The following ANKRD30B variants were observed in gnomAD, a reference collection of about 807,000 sequenced individuals.
The protein encoded by ANKRD30B is ankyrin repeat domain-containing protein 30B.
In ANKRD30B, 144 loss-of-function variants were observed where a neutral mutation model predicts 202.2. That is an observed-to-expected ratio of 0.71 (90% CI 0.62 to 0.82). ANKRD30B has a LOEUF of 0.82. Ranked by LOEUF, ANKRD30B falls within the 40% of genes least tolerant of loss-of-function variation. ANKRD30B has a pLI of 0.00. For synonymous variants in ANKRD30B, 508 were observed against 561.3 expected (o/e 0.91, Z 1.34); for missense variants, 1,487 against 1,669.1 (o/e 0.89, Z 1.90).
At chr18:14,940,159 A>T in the ANKRD30B span, among the ~76,000 whole-genome samples, 1 of 152,200 alleles carries the variant, frequency 6.6e-6, no homozygotes, top group African/African-American at 2.4e-5. Context: ...ATCTAATGTT[A>T]TGAAGCCCAC....
chr18:14,833,338 T>C (rs1971035978), intron 34 of ANKRD30B, among the ~76,000 whole-genome samples: 1 of 151,968 alleles, frequency 6.6e-6, no homozygotes. Context: ...AAGCCCCACC[T>C]CCCGGGTTCA....
chr18:14,927,779 C>G, the ANKRD30B span, among the ~76,000 whole-genome samples: 1 of 152,220 alleles, frequency 6.6e-6, no homozygotes, highest in African/African-American at 2.4e-5. Flanking sequence ...TAGTAGCTAT[C>G]TCAAATATAT....
At chr18:14,884,933 A>T in the ANKRD30B span, among the ~76,000 whole-genome samples, 3 of 152,120 alleles carry the variant, frequency 2.0e-5, no homozygotes, top group Admixed American at 6.6e-5. Context: ...ACTGTACAGA[A>T]GTGGAATAAA....
intron 34 of ANKRD30B, among the ~76,000 whole-genome samples, chr18:14,835,019 T>A (rs1664025395): frequency 6.6e-6 from 1 of 151,982 alleles, no homozygotes; most frequent in Admixed American, 6.5e-5. Context: ...ATTCTTAGGT[T>A]ATTTAACTAA....
chr18:14,818,847 C>G (rs1970259232), intron 30 of ANKRD30B, among the ~76,000 whole-genome samples: 1 of 151,894 alleles, frequency 6.6e-6, no homozygotes, highest in Non-Finnish European at 1.5e-5. Flanking sequence ...GTTATAGCAG[C>G]ATGATTTATA....
intron 39 of ANKRD30B, among the ~76,000 whole-genome samples, chr18:14,845,788 T>A (rs968814258): frequency 3.3e-5 from 5 of 152,210 alleles, no homozygotes; most frequent in African/African-American, 1.2e-4. Flanking sequence ...AGATTTGATG[T>A]CTGAAGAGGT....
At chr18:14,935,285 A>C in the ANKRD30B span, among the ~76,000 whole-genome samples, 1 of 152,208 alleles carries the variant, frequency 6.6e-6, no homozygotes, top group Non-Finnish European at 1.5e-5. Flanking sequence ...TTAGAGGATG[A>C]GCTTTCCAGC....
chr18:14,898,453 G>C, the ANKRD30B span, among the ~76,000 whole-genome samples: 1 of 152,072 alleles, frequency 6.6e-6, no homozygotes, highest in South Asian at 2.1e-4. Flanking sequence ...GACAGGAGGT[G>C]GAATGCTTGC....
At chr18:14,854,776 C>T (rs183412562), downstream of ANKRD30B, among the ~76,000 whole-genome samples, 398 of 150,612 alleles carry the variant, frequency 2.6e-3, 3 homozygotes, top group African/African-American at 9.4e-3. Flanking sequence ...TTTCTCTCTT[C>T]CTGTCCCAAG....
chr18:14,858,553 G>A (rs1323085278), downstream of ANKRD30B, among the ~76,000 whole-genome samples: 2 of 88,866 alleles, frequency 2.3e-5, no homozygotes, highest in South Asian at 3.7e-4. Flanking sequence ...GGGCAGAGGC[G>A]CTCCTCACTT....
At chr18:14,846,536 T>C (rs1473132863) in intron 39 of ANKRD30B, among the ~76,000 whole-genome samples, 13 of 151,840 alleles carry the variant, frequency 8.6e-5, no homozygotes, top group Admixed American at 4.6e-4. Flanking sequence ...TTTTAGACTA[T>C]ACTTAGGCAT....
At chr18:14,880,155 C>T in the ANKRD30B span, among the ~76,000 whole-genome samples, 49 of 152,158 alleles carry the variant, frequency 3.2e-4, no homozygotes, top group African/African-American at 1.1e-3. Context: ...CCCCACTTTA[C>T]GTTTTTGTTT....
the ANKRD30B span, among the ~76,000 whole-genome samples, chr18:14,901,049 C>G: frequency 2.0e-5 from 3 of 152,282 alleles, no homozygotes; most frequent in East Asian, 1.9e-4. Context: ...ACTCCAGGAG[C>G]CTATTTTTTC....
chr18:14,856,390 T>G (rs76263814), downstream of ANKRD30B, among the ~76,000 whole-genome samples: 1 of 113,536 alleles, frequency 8.8e-6, no homozygotes, highest in Admixed American at 8.6e-5. Flanking sequence ...ATGGGGAGGC[T>G]GGGCAGAGGC....
intron 5 of ANKRD30B, among the ~76,000 whole-genome samples, chr18:14,758,835 A>G (rs1448308457): frequency 6.6e-6 from 1 of 152,126 alleles, no homozygotes; most frequent in Non-Finnish European, 1.5e-5. Context: ...GAAATTAGAG[A>G]TCCATTTTTA....
At chr18:14,928,515 C>G in the ANKRD30B span, among the ~76,000 whole-genome samples, 1 of 152,194 alleles carries the variant, frequency 6.6e-6, no homozygotes, top group South Asian at 2.1e-4. Context: ...TCAGATGGCC[C>G]GAGTAGGGAC....
At chr18:14,793,833 G>A (rs1196320225) in intron 16 of ANKRD30B, among the ~76,000 whole-genome samples, 2 of 151,704 alleles carry the variant, frequency 1.3e-5, no homozygotes, top group Non-Finnish European at 2.9e-5. Context: ...GGTGGAGCTT[G>A]TATTCTGCCG....
At chr18:14,791,309 G>A in intron 15 of ANKRD30B, 92 bp from the exon 16 acceptor site, 1 of 1,076,416 alleles carries the variant, frequency 9.3e-7, no homozygotes, top group East Asian at 2.5e-5. Flanking sequence ...AGGAAATTGT[G>A]TTTTTAAAAA....
chr18:14,795,657 A>G (rs2143959814), intron 16 of ANKRD30B, among the ~76,000 whole-genome samples: 1 of 152,352 alleles, frequency 6.6e-6, no homozygotes, highest in East Asian at 1.9e-4. Context: ...ATAAGTAGAT[A>G]TTTATGCTGA....
Sources: gnomAD v4.1 joint callset for allele counts (sites outside exome capture counted in the v4.1 genomes callset) on GRCh38, gnomAD v4.1.1 for gene constraint, MANE v1.5 for transcripts, NCBI Gene and HGNC (gene_info 2026-07-23, HGNC 2026-07-21) for gene names.